ANKRD11: variants seen among roughly 807,000 people sequenced by gnomAD.
ANKRD11 encodes the protein ankyrin repeat domain 11, also known as ankyrin repeat domain-containing protein 11.
A neutral mutation model predicts 195.7 loss-of-function variants in ANKRD11; 17 were observed. That is an observed-to-expected ratio of 0.09 (90% CI 0.06 to 0.13). The LOEUF is 0.13. Ranked by LOEUF, ANKRD11 falls within the 10% of genes least tolerant of loss-of-function variation. The pLI is 1.00. For synonymous variants in ANKRD11, 1,953 were observed against 1,528.1 expected, an observed-to-expected ratio of 1.28 and a Z score of -6.49; for missense variants, 3,735 against 3,566.1, an observed-to-expected ratio of 1.05 and a Z score of -1.21.
At chr16:89,427,536 C>T (rs1034358445) in intron 1 of ANKRD11, among the ~76,000 whole-genome samples, 7 of 152,212 alleles carry the variant, frequency 4.6e-5, no homozygotes, top group African/African-American at 4.8e-5. Flanking sequence ...GTGGCTCACG[C>T]CTGTAATCAC....
intron 7 of ANKRD11, 138 bp downstream of exon 7, chr16:89,288,390 G>A: frequency 7.3e-7 from 1 of 1,364,138 alleles, no homozygotes; most frequent in Non-Finnish European, 1.0e-6. Flanking sequence ...GCACAGCTCG[G>A]CCTTGAGGGT....
chr16:89,451,411 C>CCT (rs369396805), intron 1 of ANKRD11, among the ~76,000 whole-genome samples: 1 of 130,198 alleles, frequency 7.7e-6, no homozygotes, highest in African/African-American at 2.9e-5. Flanking sequence ...TCACAAATTA[C>CCT]TTTTTTTTTT....
intron 2 of ANKRD11, among the ~76,000 whole-genome samples, chr16:89,369,847 G>C (rs1031999335): frequency 1.2e-4 from 19 of 152,218 alleles, no homozygotes; most frequent in Non-Finnish European, 2.2e-4. Context: ...GGGGAAGCTT[G>C]GCAATGTGTA....
intron 2 of ANKRD11, among the ~76,000 whole-genome samples, chr16:89,319,403 T>C (rs2037165122): frequency 6.6e-6 from 1 of 152,102 alleles, no homozygotes; most frequent in African/African-American, 2.4e-5. Context: ...CCAGGCAAAA[T>C]ACTTTTCACG....
rs758372974 is a variant in ANKRD11 at position 89,417,739 on chromosome 16, G to A, written c.-60+545C>T. Among the ~76,000 whole-genome samples, 68 of 151,888 alleles carry A rather than the reference G, an allele frequency of 4.5e-4. 1 individual carries two copies. The highest frequency in any genetic ancestry group is 8.1e-4 in the Non-Finnish European group (55 of 67,974). On this transcript the variant is annotated intron_variant, in intron 2 of 12. Coordinates refer to ENST00000301030, the MANE Select transcript of ANKRD11 (RefSeq NM_013275.6). ...CTAACAAGAGCACAACAGCTCCCAGGATACAGAATCCTCATCCAAGGACAA... is the reference window on the plus strand; with the variant it reads ...CTAACAAGAGCACAACAGCTCCCAGAATACAGAATCCTCATCCAAGGACAA...
At chr16:89,323,413 G>A (rs900384731) in intron 2 of ANKRD11, 1 of 1,151,252 alleles carries the variant, frequency 8.7e-7, no homozygotes, top group Non-Finnish European at 1.1e-6. Flanking sequence ...CCAGGGCAGG[G>A]GGGCTGAGCC....
chr16:89,375,798 C>T (rs1476805649), intron 2 of ANKRD11, among the ~76,000 whole-genome samples: 1 of 145,200 alleles, frequency 6.9e-6, no homozygotes, highest in African/African-American at 2.5e-5. Flanking sequence ...AAGCCTCTTG[C>T]AGTTCTCAAG....
At chr16:89,353,913 C>A (rs908226059) in intron 2 of ANKRD11, among the ~76,000 whole-genome samples, 8 of 152,244 alleles carry the variant, frequency 5.3e-5, no homozygotes, top group Admixed American at 5.2e-4. Context: ...GAGCGTGGGG[C>A]ATGTCTGCCA....
chr16:89,341,246 C>G (rs565702255), intron 2 of ANKRD11, among the ~76,000 whole-genome samples: 9 of 152,300 alleles, frequency 5.9e-5, no homozygotes, highest in African/African-American at 2.2e-4. Context: ...CAAGCAGACC[C>G]GGTTTGGAAA....
intron 2 of ANKRD11, among the ~76,000 whole-genome samples, chr16:89,375,768 TAAAAA>T (rs36033030): frequency 1.2e-5 from 1 of 84,556 alleles, no homozygotes. Flanking sequence ...CTCCGTCTCT[TAAAAA>T]AAAAAAAAAA....
chr16:89,281,952 CA>C lies in ANKRD11; in HGVS notation c.4589del (p.Leu1530ArgfsTer17). 1 of 1,612,870 alleles carries C rather than the reference CA, an allele frequency of 6.2e-7. No homozygotes were observed. The highest frequency in any genetic ancestry group is 8.5e-7 in the Non-Finnish European group (1 of 1,180,032). Reference protein sequence around the residue: ...DEGPRLGDAKLKEKFKDGAEK... With the variant: ...DEGPRLGDAKXKEKFKDGAEK... ...CTGCACCGTCCTTGAATTTCTCCTT[CA>C]GTTTGGCATCGCCGAGCCTCGGGCC... On this transcript the variant is annotated frameshift_variant, in exon 9 of 13. Coordinates refer to ENST00000301030, the MANE Select transcript of ANKRD11 (RefSeq NM_013275.6). LOFTEE classifies it high-confidence loss of function. The surrounding 1 kb of genome is among the most constrained non-coding windows in gnomAD (Gnocchi z 5.5).
intron 2 of ANKRD11, among the ~76,000 whole-genome samples, chr16:89,396,958 G>A (rs1270100365): frequency 5.3e-5 from 8 of 151,690 alleles, no homozygotes; most frequent in Admixed American, 5.2e-4. Flanking sequence ...GAGCACTGGT[G>A]GGATTATAGG....
At position 89,279,564 on chromosome 16, in the gene ANKRD11, G is replaced by A. The variant is rs558301893; in HGVS notation, c.6978C>T (p.Ala2326=). The stretch of plus-strand genomic sequence containing the variant: ...GCTGAGGGATCTCCTCCACTCGGGG[G>A]GCCTTCGGGGCTTCGGCCGTGGGTT... The part of the protein sequence containing the change: ...EPKPTAEAPK[A]PRVEEIPQRM... Residue 2326 remains alanine (A), a synonymous_variant, in exon 9 of 13, where the codon GCC becomes GCT. Transcript: ENST00000301030. This position sits in a 1 kb window ranked among gnomAD's most constrained non-coding sequence, Gnocchi z 5.6. 1,405 of 1,433,060 alleles carry A rather than the reference G, an allele frequency of 9.8e-4. 2 individuals are homozygous for A. The highest frequency in any genetic ancestry group is 1.6e-3 in the Admixed American group (70 of 44,968). The allele number at this position is 1,433,060 out of a possible 1,614,324, so 88.8% of individuals were successfully genotyped here. A position where few individuals can be genotyped will look rare whatever the true frequency, so the allele number is the denominator to read the frequency against.
chr16:89,312,813 C>T lies in ANKRD11; in HGVS notation c.87+4120G>A, dbSNP rs560789507. Among the ~76,000 whole-genome samples the T allele has an allele frequency of 9.2e-5, 14 of 152,304 alleles. No homozygotes were observed. In the South Asian group the frequency reaches 1.7e-3, roughly 18 times the overall value. On this transcript the variant is annotated intron_variant, in intron 3 of 12. Transcript: ENST00000301030. Reference sequence around the variant, plus strand: ...TGAAACCACAGCCTGAGGTGGGACACGCCGAGGCCCAGCCATGCGCCTCCC... The same window carrying T: ...TGAAACCACAGCCTGAGGTGGGACATGCCGAGGCCCAGCCATGCGCCTCCC...
intron 1 of ANKRD11, among the ~76,000 whole-genome samples, chr16:89,439,003 GAAAC>G (rs1164771990): frequency 1.4e-5 from 2 of 144,262 alleles, no homozygotes; most frequent in Non-Finnish European, 3.1e-5. Context: ...AACAAAAACA[GAAAC>G]AAAAACAAAC....
At chr16:89,470,119 G>T (rs988277042) in intron 1 of ANKRD11, among the ~76,000 whole-genome samples, 1 of 151,710 alleles carries the variant, frequency 6.6e-6, no homozygotes, top group African/African-American at 2.4e-5. Flanking sequence ...TGTTAGCCAG[G>T]ATGGTCTCCG....
chr16:89,288,594 C>T lies in ANKRD11; in HGVS notation c.678G>A (p.Glu226=). The T allele has an allele frequency of 6.2e-7, 1 of 1,614,126 alleles. No individual in the cohort carries two copies. Among genetic ancestry groups the T allele is most frequent in the East Asian group, 2.2e-5 (1 of 44,878 alleles). ...VAKQLLAAGA[E]VNTKGLDDDT... ...CGTCATCTAGGCCCTTGGTGTTCAC[C>T]TCCGCACCTGCAGCCAGCAGCTGCT... The change falls in exon 7 of 13, where the codon GAG becomes GAA. Residue 226 remains glutamate (E), a synonymous_variant. Coordinates refer to ENST00000301030, the MANE Select transcript of ANKRD11 (RefSeq NM_013275.6).
Position 89,462,761 on chromosome 16 carries a change from C to T in ANKRD11, c.-145+27484G>A, listed in dbSNP as rs539407442. 1.1e-3 allele frequency among the ~76,000 whole-genome samples: 170 copies of T among 151,440 alleles called. 3 individuals carry two copies. Among genetic ancestry groups the T allele is most frequent in the African/African-American group, 3.7e-3 (151 of 41,244 alleles). On this transcript the variant is annotated intron_variant, in intron 1 of 12. Coordinates refer to ENST00000301030, the MANE Select transcript of ANKRD11 (RefSeq NM_013275.6). Reference sequence around the variant, plus strand: ...TGAGGAGCACCTCTGCCCGGCCACCCCGTCTGACAAGTGAGAAGACCCTCT... The same window carrying T: ...TGAGGAGCACCTCTGCCCGGCCACCTCGTCTGACAAGTGAGAAGACCCTCT...
At chr16:89,401,852 C>A (rs1186339692) in intron 2 of ANKRD11, among the ~76,000 whole-genome samples, 1 of 152,002 alleles carries the variant, frequency 6.6e-6, no homozygotes, top group Admixed American at 6.5e-5. Flanking sequence ...CCGGGCGCAC[C>A]AGAGACTCCC....
Sources: gnomAD v4.1 joint callset for allele counts (sites outside exome capture counted in the v4.1 genomes callset) on GRCh38, gnomAD v4.1.1 for gene constraint, Gnocchi (gnomAD v3.1) non-coding constraint, MANE v1.5 for transcripts, NCBI Gene and HGNC (gene_info 2026-07-23, HGNC 2026-07-21) for gene names.